Variants in TOM1L2 observed in about 807,000 individuals in gnomAD.
TOM1L2 encodes the protein target of myb1 like 2 membrane trafficking protein, also known as TOM1-like protein 2.
TOM1L2 carries 31 observed loss-of-function variants against 67.9 expected under a neutral mutation model. The observed-to-expected ratio is 0.46, with a 90% CI of 0.34 to 0.62. The LOEUF (loss-of-function observed/expected upper bound fraction) is 0.62. Ranked by LOEUF, TOM1L2 falls within the 20% of genes least tolerant of loss-of-function variation. The pLI is 0.01. For missense variants in TOM1L2, 606 were observed against 663.5 expected, an observed-to-expected ratio of 0.91 and a Z score of 0.95; for synonymous variants, 256 against 254.0, an observed-to-expected ratio of 1.01 and a Z score of -0.07.
intron 7 of TOM1L2, among the ~76,000 whole-genome samples, chr17:17,875,089 T>C (rs556775757): frequency 4.6e-5 from 7 of 151,944 alleles, no homozygotes; most frequent in African/African-American, 7.3e-5. Context: ...AAACCCCATC[T>C]CTACTAAAAA....
intron 1 of TOM1L2, among the ~76,000 whole-genome samples, chr17:17,913,807 T>G (rs1268491375): frequency 6.6e-6 from 1 of 152,218 alleles, no homozygotes; most frequent in African/African-American, 2.4e-5. Flanking sequence ...GTTAATGGAT[T>G]CTGCTGCTAA....
chr17:17,901,271 T>C (rs2038842157), intron 2 of TOM1L2, among the ~76,000 whole-genome samples: 1 of 151,896 alleles, frequency 6.6e-6, no homozygotes, highest in Non-Finnish European at 1.5e-5. Flanking sequence ...TAGTGTGGAG[T>C]TGGAAACCAG....
chr17:17,924,291 G>T (rs970688008), intron 1 of TOM1L2, among the ~76,000 whole-genome samples: 7 of 152,086 alleles, frequency 4.6e-5, no homozygotes, highest in Non-Finnish European at 8.8e-5. Flanking sequence ...ATTGCTAATG[G>T]GTACGGAATG....
intron 4 of TOM1L2, among the ~76,000 whole-genome samples, chr17:17,887,185 G>C (rs1269160143): frequency 6.6e-6 from 1 of 152,226 alleles, no homozygotes; most frequent in East Asian, 1.9e-4. Context: ...TGTTATTTGC[G>C]ATCAAGTAGT....
At chr17:17,904,663 G>A (rs954768733) in intron 2 of TOM1L2, among the ~76,000 whole-genome samples, 1 of 152,178 alleles carries the variant, frequency 6.6e-6, no homozygotes, top group African/African-American at 2.4e-5. Flanking sequence ...TCCACCTCTA[G>A]GGTAAAGTGC....
At position 17,972,154 on chromosome 17, in the gene TOM1L2, C is replaced by T; in HGVS notation, c.52+108G>A. 4.3e-6 allele frequency: 6 copies of T among 1,402,888 alleles called. No homozygotes were observed. In the South Asian group the frequency reaches 7.7e-5, roughly 18 times the overall value. The allele number at this position is 1,402,888 out of a possible 1,614,324, so 86.9% of individuals were successfully genotyped here. ...GAGTGGCACCCGCGGCTGGCGGAGGCCCAGCCCGCTCGTGAAGTGGCACCG... is the reference window on the plus strand; with the variant it reads ...GAGTGGCACCCGCGGCTGGCGGAGGTCCAGCCCGCTCGTGAAGTGGCACCG... On this transcript the variant is annotated intron_variant, in intron 1 of 14. Coordinates refer to ENST00000379504, the MANE Select transcript of TOM1L2 (RefSeq NM_001082968.2).
At chr17:17,960,222 C>G (rs115223465) in intron 1 of TOM1L2, among the ~76,000 whole-genome samples, 3,726 of 152,324 alleles carry the variant, frequency 0.024, 131 homozygotes, top group African/African-American at 0.078. Flanking sequence ...ATCCCACAAA[C>G]AATACTAAGC....
At chr17:17,934,848 T>G (rs1424843066) in intron 1 of TOM1L2, among the ~76,000 whole-genome samples, 1 of 152,138 alleles carries the variant, frequency 6.6e-6, no homozygotes, top group African/African-American at 2.4e-5. Context: ...ATCATTCAGA[T>G]TTAACAGGGG....
intron 1 of TOM1L2, among the ~76,000 whole-genome samples, chr17:17,955,325 CTTTTT>C (rs67575563): frequency 9.2e-6 from 1 of 108,146 alleles, no homozygotes; most frequent in African/African-American, 3.9e-5. Flanking sequence ...CACACAATTC[CTTTTT>C]TTTTTTTTTT....
chr17:17,908,207 G>A (rs1390397481), intron 1 of TOM1L2, among the ~76,000 whole-genome samples: 1 of 152,152 alleles, frequency 6.6e-6, no homozygotes, highest in Non-Finnish European at 1.5e-5. Context: ...ATGAGGAAAG[G>A]ACAGTATTTT....
At chr17:17,861,398 T>C (rs1268344473) in intron 12 of TOM1L2, 78 bp downstream of exon 12, 2 of 1,421,970 alleles carry the variant, frequency 1.4e-6, no homozygotes, top group Non-Finnish European at 2.0e-6. Flanking sequence ...TTCTGCTGAA[T>C]TACCCAGCCA....
chr17:17,859,143 G>C (rs9911281), intron 12 of TOM1L2: 86,328 of 151,992 alleles, frequency 0.57, 25,407 homozygotes, highest in Non-Finnish European at 0.63. Flanking sequence ...ATGGCATGAT[G>C]TCGGCTCACT....
In TOM1L2 at chr17:17,879,661, C is replaced by T. The variant is rs752374687; in HGVS notation, c.743G>A (p.Gly248Glu). 1.2e-6 allele frequency: 2 copies of T among 1,614,188 alleles called. No individual in the cohort carries two copies. The highest frequency in any genetic ancestry group is 1.3e-5 in the African/African-American group (1 of 75,054). The change falls in exon 7 of 15, where the codon GGA (glycine) becomes GAA (glutamate). Residue 248 changes from glycine (G) to glutamate (E), a missense_variant. Physicochemically the swap from Gly to Glu is moderately conservative, Grantham distance 98. Around this residue, in one of 2 missense-constraint regions of TOM1L2, gnomAD observed 543 missense variants for 554.0 expected, o/e 0.98. Transcript: ENST00000379504. ...CTCCAGATCAGATGAATCCTCCTGT[C>T]CAGGGACCATTTCTGTTAACATCTC... ...MSEMLTEMVP[G>E]QEDSSDLELL...
At chr17:17,884,861 G>A (rs1190924104) in intron 4 of TOM1L2, 93 bp from the exon 5 acceptor site, 2 of 1,530,524 alleles carry the variant, frequency 1.3e-6, no homozygotes, top group Non-Finnish European at 1.8e-6. Context: ...CCCGAGACCA[G>A]TGCTCTCCTA....
At chr17:17,936,181 C>A (rs566481974) in intron 1 of TOM1L2, among the ~76,000 whole-genome samples, 3 of 152,352 alleles carry the variant, frequency 2.0e-5, no homozygotes, top group African/African-American at 7.2e-5. Context: ...AGGCGTGTGC[C>A]CTTCAGCAGC....
At chr17:17,868,711 G>T (rs892954564) in intron 8 of TOM1L2, among the ~76,000 whole-genome samples, 1 of 152,124 alleles carries the variant, frequency 6.6e-6, no homozygotes, top group Non-Finnish European at 1.5e-5. Flanking sequence ...TGTCCTGAGG[G>T]AAGGCTTTGG....
Position 17,850,899 on chromosome 17 carries a change from G to A in TOM1L2, c.1332C>T (p.Thr444=), listed in dbSNP as rs778758776. The change falls in exon 13 of 15, where the codon ACC becomes ACT. Residue 444 remains threonine, a synonymous_variant. Transcript: ENST00000379504. ...VMDDIEVWLR[T]DLKGDDLEEG... The stretch of plus-strand genomic sequence containing the variant: ...TAGAAAAGTCGAGTCTCACCAGGTC[G>A]GTCCTGAGCCACACCTCAATGTCGT... 2.5e-6 allele frequency: 4 copies of A among 1,614,008 alleles called. No homozygotes were observed. Among genetic ancestry groups the A allele is most frequent in the Admixed American group, 1.7e-5 (1 of 60,034 alleles).
intron 2 of TOM1L2, among the ~76,000 whole-genome samples, chr17:17,900,521 C>CAA (rs546614872): frequency 0.014 from 825 of 58,708 alleles, 13 homozygotes; most frequent in African/African-American, 0.027. Flanking sequence ...GACTCCATCT[C>CAA]AAAAAAAAAA....
At chr17:17,915,171 T>C (rs2039577634) in intron 1 of TOM1L2, among the ~76,000 whole-genome samples, 1 of 152,228 alleles carries the variant, frequency 6.6e-6, no homozygotes, top group Non-Finnish European at 1.5e-5. Context: ...TAAACTTTTA[T>C]TAAAATAGTG....
Sources: gnomAD v4.1 joint callset for allele counts (sites outside exome capture counted in the v4.1 genomes callset) on GRCh38, gnomAD v4.1.1 for gene constraint, gnomAD v4.1.1 regional missense constraint, MANE v1.5 for transcripts, NCBI Gene and HGNC (gene_info 2026-07-23, HGNC 2026-07-21) for gene names.